Variants in HECTD2 observed in about 807,000 individuals in gnomAD.
HECTD2 encodes probable E3 ubiquitin-protein ligase HECTD2.
A neutral mutation model predicts 103.2 loss-of-function variants in HECTD2; 35 were observed. The observed-to-expected ratio is 0.34, with a 90% CI of 0.26 to 0.45. HECTD2 has a LOEUF of 0.45. Ranked by LOEUF, HECTD2 falls within the 20% of genes least tolerant of loss-of-function variation. The pLI is 1.00. For synonymous variants in HECTD2, 281 were observed against 329.9 expected (o/e 0.85, Z 1.61); for missense variants, 596 against 937.4 (o/e 0.64, Z 4.76).
intron 2 of HECTD2, among the ~76,000 whole-genome samples, chr10:91,459,747 T>C (rs1022054390): frequency 1.3e-5 from 2 of 152,120 alleles, no homozygotes; most frequent in Non-Finnish European, 2.9e-5. Context: ...TGTATGACAG[T>C]AGTCCCCTAG....
chr10:91,432,679 A>G (rs74467159), intron 2 of HECTD2, among the ~76,000 whole-genome samples: 1 of 150,760 alleles, frequency 6.6e-6, no homozygotes. Context: ...AAAAAAAAAA[A>G]TCTTTCCAGC....
intron 2 of HECTD2, among the ~76,000 whole-genome samples, chr10:91,432,923 G>A (rs1489289379): frequency 6.6e-6 from 1 of 152,000 alleles, no homozygotes; most frequent in Non-Finnish European, 1.5e-5. Flanking sequence ...TGTGAGTCCT[G>A]TGATCTTCAC....
In HECTD2 at chr10:91,457,762, C is replaced by T. The variant is rs185298248; in HGVS notation, c.269-2665C>T. 5.9e-5 allele frequency among the ~76,000 whole-genome samples: 9 copies of T among 152,068 alleles called. No homozygotes were observed. The East Asian group carries it at 1.7e-3, about 29-fold the overall frequency. Reference sequence around the variant, plus strand: ...GGAACAAGACAAGGATGTCTGCTCTCAGCACTCTTATTCAACATGGTAAGA... The same window carrying T: ...GGAACAAGACAAGGATGTCTGCTCTTAGCACTCTTATTCAACATGGTAAGA... On this transcript the variant is annotated intron_variant, in intron 2 of 20. Coordinates refer to ENST00000298068, the MANE Select transcript of HECTD2 (RefSeq NM_182765.6).
chr10:91,439,493 G>A (rs912942672), intron 2 of HECTD2, among the ~76,000 whole-genome samples: 3 of 152,102 alleles, frequency 2.0e-5, no homozygotes, highest in Non-Finnish European at 4.4e-5. Flanking sequence ...TAGCCTTGTA[G>A]TATAGTTTGC....
At position 91,485,289 on chromosome 10, in the gene HECTD2, T is replaced by C. The variant is rs1164201157; in HGVS notation, c.1080T>C (p.Phe360=). 4 of 1,593,192 alleles carry C rather than the reference T, an allele frequency of 2.5e-6. No individual in the cohort carries two copies. The highest frequency in any genetic ancestry group is 2.6e-6 in the Non-Finnish European group (3 of 1,172,484). The change falls in exon 10 of 21, where the codon TTT becomes TTC. Residue 360 remains phenylalanine (F), a synonymous_variant. Transcript: ENST00000298068. ...AAGAATATCATACTTGGCAAAACTT[T>C]GGAAACTCTCACAGGTATGAACAAA... ...LMEEYHTWQN[F]GNSHRFSFCQ...
At chr10:91,445,315 C>G (rs1013237933) in intron 2 of HECTD2, among the ~76,000 whole-genome samples, 16 of 152,220 alleles carry the variant, frequency 1.1e-4, no homozygotes, top group Admixed American at 3.3e-4. Context: ...GTAGGAAGAA[C>G]CTGGGCTTCC....
intron 2 of HECTD2, among the ~76,000 whole-genome samples, chr10:91,440,389 G>C (rs961935739): frequency 3.9e-5 from 6 of 152,252 alleles, no homozygotes; most frequent in African/African-American, 9.6e-5. Flanking sequence ...TTATTGACTT[G>C]TGTATGTTCA....
At chr10:91,488,307 G>C (rs1373181962) in intron 11 of HECTD2, 1 of 152,944 alleles carries the variant, frequency 6.5e-6, no homozygotes, top group African/African-American at 2.4e-5. Flanking sequence ...GACCCAAAGA[G>C]GCTGGGGATA....
At chr10:91,444,153 C>G (rs1482208519) in intron 2 of HECTD2, among the ~76,000 whole-genome samples, 1 of 152,110 alleles carries the variant, frequency 6.6e-6, no homozygotes, top group African/African-American at 2.4e-5. Context: ...TCCCTTCCCA[C>G]ACACTTTTTC....
At position 91,501,197 on chromosome 10, in the gene HECTD2, T is replaced by C. The variant is rs749702911; in HGVS notation, c.2073T>C (p.Phe691=). The part of the protein sequence containing the change: ...YAKTDLTIKY[F]WDVVLGFPLD... ...TTCCTTTGGTATTCTCTAGATACTTTTGGGATGTTGTGCTTGGATTTCCTC... is the reference window on the plus strand; with the variant it reads ...TTCCTTTGGTATTCTCTAGATACTTCTGGGATGTTGTGCTTGGATTTCCTC... The change falls in exon 20 of 21, where the codon TTT becomes TTC. Residue 691 remains phenylalanine (F), a synonymous_variant. Coordinates refer to ENST00000298068, the MANE Select transcript of HECTD2 (RefSeq NM_182765.6). 6.2e-6 allele frequency: 10 copies of C among 1,608,730 alleles called. No individual in the cohort carries two copies. In the East Asian group the frequency reaches 1.3e-4, roughly 22 times the overall value.
chr10:91,426,972 G>A (rs1253866291), intron 2 of HECTD2, among the ~76,000 whole-genome samples: 3 of 147,528 alleles, frequency 2.0e-5, no homozygotes, highest in Admixed American at 6.7e-5. Flanking sequence ...TTAGCATTAG[G>A]TGTATCTCCT....
chr10:91,419,831 G>A (rs947104332), intron 1 of HECTD2, among the ~76,000 whole-genome samples: 4 of 152,066 alleles, frequency 2.6e-5, no homozygotes, highest in Admixed American at 6.6e-5. Context: ...TTTGTAGGCT[G>A]GCCACATTCC....
Position 91,410,398 on chromosome 10 carries a change from G to GGCC in HECTD2, c.-28_-26dup, listed in dbSNP as rs766816730. ...GCAGCGCCAGCCCCAGCAACACTGA[G>GGCC]GCCGCCGCCGCCGCCTGGCGCTCCC... On this transcript the variant is annotated 5_prime_UTR_variant, in exon 1 of 21. Coordinates refer to ENST00000298068, the MANE Select transcript of HECTD2 (RefSeq NM_182765.6). The GGCC allele has an allele frequency of 7.6e-5, 101 of 1,322,782 alleles. No homozygotes were observed. Among genetic ancestry groups the GGCC allele is most frequent in the Middle Eastern group, 2.8e-4 (1 of 3,548 alleles). The allele number at this position is 1,322,782 out of a possible 1,614,324, so 81.9% of individuals were successfully genotyped here. A position where few individuals can be genotyped will look rare whatever the true frequency, so the allele number is the denominator to read the frequency against.
chr10:91,486,253 TGAATAA>T (rs993874847), intron 10 of HECTD2: 1 of 152,146 alleles, frequency 6.6e-6, no homozygotes, highest in Non-Finnish European at 1.5e-5. Context: ...CACTCAGAAC[TGAATAA>T]GAATAAGAAT....
chr10:91,468,640 A>G lies in HECTD2; in HGVS notation c.600+6456A>G, dbSNP rs557007049. Among the ~76,000 whole-genome samples the G allele has an allele frequency of 2.6e-5, 4 of 152,326 alleles. No individual in the cohort carries two copies. The South Asian group carries it at 6.2e-4, about 24-fold the overall frequency. On this transcript the variant is annotated intron_variant, in intron 5 of 20. Transcript: ENST00000298068. Reference sequence around the variant, plus strand: ...ATTCAGGAGAAAGTAGAAGCCCAATATAAGGAATCTAAAGAATACAATAAA... The same window carrying G: ...ATTCAGGAGAAAGTAGAAGCCCAATGTAAGGAATCTAAAGAATACAATAAA...
At chr10:91,503,009 T>A (rs534838051) in intron 20 of HECTD2, among the ~76,000 whole-genome samples, 89 of 152,142 alleles carry the variant, frequency 5.8e-4, no homozygotes, top group Non-Finnish European at 1.0e-3. Context: ...GAAAGAGGAG[T>A]TTCCATTCAT....
intron 1 of HECTD2, among the ~76,000 whole-genome samples, chr10:91,420,667 G>A (rs1033824252): frequency 2.0e-5 from 3 of 152,114 alleles, no homozygotes; most frequent in African/African-American, 7.2e-5. Context: ...TTGGAATGAG[G>A]CACATAGATT....
intron 7 of HECTD2, among the ~76,000 whole-genome samples, chr10:91,481,837 A>G (rs1331291317): frequency 6.6e-6 from 1 of 151,842 alleles, no homozygotes; most frequent in Non-Finnish European, 1.5e-5. Context: ...AAAGTAAGGA[A>G]AACTATATTA....
chr10:91,433,510 A>G (rs1220958654), intron 2 of HECTD2, among the ~76,000 whole-genome samples: 1 of 151,858 alleles, frequency 6.6e-6, no homozygotes, highest in Non-Finnish European at 1.5e-5. Flanking sequence ...CTTCTTTATT[A>G]TTTTTTACAA....
Sources: allele counts gnomAD v4.1 joint callset (sites outside exome capture counted in the v4.1 genomes callset), GRCh38; gene constraint gnomAD v4.1.1; transcripts MANE v1.5; gene names NCBI Gene and HGNC (gene_info 2026-07-23, HGNC 2026-07-21).